The following TBCA variants were observed in gnomAD, a reference collection of about 807,000 sequenced individuals.
TBCA encodes the protein tubulin-specific chaperone A.
A neutral mutation model predicts 15.8 loss-of-function variants in TBCA; 6 were observed. That is an observed-to-expected ratio of 0.38 (90% CI 0.21 to 0.75). TBCA has a LOEUF of 0.75. Among genes scored for constraint, TBCA ranks in the 30% least tolerant of loss-of-function variants. The pLI, the probability that TBCA is intolerant of heterozygous loss-of-function variation, is 0.46. For synonymous variants in TBCA, 32 were observed against 42.3 expected (o/e 0.76, Z 0.94); for missense variants, 90 against 131.2 (o/e 0.69, Z 1.53).
intron 1 of TBCA, among the ~76,000 whole-genome samples, chr5:77,708,771 A>G (rs1746207681): frequency 6.6e-6 from 1 of 151,916 alleles, no homozygotes; most frequent in Non-Finnish European, 1.5e-5. Flanking sequence ...GGGTTTCACC[A>G]TGTTAGCCAG....
At chr5:77,772,165 C>A (rs1747930035) in intron 1 of TBCA, among the ~76,000 whole-genome samples, 1 of 150,694 alleles carries the variant, frequency 6.6e-6, no homozygotes. Context: ...ATCTTTGAAA[C>A]TAAATTTGGA....
intron 1 of TBCA, among the ~76,000 whole-genome samples, chr5:77,714,569 A>AT (rs1397824632): frequency 8.4e-6 from 1 of 119,402 alleles, no homozygotes; most frequent in African/African-American, 3.2e-5. Context: ...TACTATTATT[A>AT]TTATTATTTT....
chr5:77,741,492 A>G (rs1319484080), intron 1 of TBCA, among the ~76,000 whole-genome samples: 4 of 152,208 alleles, frequency 2.6e-5, no homozygotes, highest in African/African-American at 4.8e-5. Context: ...CGTGGGGCAC[A>G]TACAAAGAGC....
chr5:77,728,138 T>C (rs1011315539), intron 1 of TBCA, among the ~76,000 whole-genome samples: 3 of 152,114 alleles, frequency 2.0e-5, no homozygotes, highest in Non-Finnish European at 1.5e-5. Flanking sequence ...ATAAAGAGAT[T>C]ATAAATATTT....
At chr5:77,738,467 T>A (rs1350879995) in intron 1 of TBCA, among the ~76,000 whole-genome samples, 1 of 152,246 alleles carries the variant, frequency 6.6e-6, no homozygotes, top group African/African-American at 2.4e-5. Flanking sequence ...TAGTTCCTGT[T>A]CCAGCGCTGC....
At chr5:77,731,243 T>C (rs372004090) in intron 1 of TBCA, among the ~76,000 whole-genome samples, 149 of 152,328 alleles carry the variant, frequency 9.8e-4, no homozygotes, top group African/African-American at 3.3e-3. Context: ...ACTAATAATA[T>C]TACCATGTGC....
intron 1 of TBCA, among the ~76,000 whole-genome samples, chr5:77,719,365 T>C (rs1014879330): frequency 6.6e-6 from 1 of 152,176 alleles, no homozygotes; most frequent in Non-Finnish European, 1.5e-5. Flanking sequence ...CATGGTTCAA[T>C]ATCTGAATAG....
At chr5:77,706,952 A>G (rs1281856217) in intron 2 of TBCA, among the ~76,000 whole-genome samples, 1 of 152,132 alleles carries the variant, frequency 6.6e-6, no homozygotes, top group Non-Finnish European at 1.5e-5. Flanking sequence ...GGATGAGTGG[A>G]GGTACCATTC....
At chr5:77,758,600 C>T (rs1290724892) in intron 1 of TBCA, among the ~76,000 whole-genome samples, 2 of 152,198 alleles carry the variant, frequency 1.3e-5, no homozygotes, top group African/African-American at 2.4e-5. Context: ...GTTTTGTCCA[C>T]GGCTCGTCCT....
chr5:77,769,461 C>T (rs1243498758), intron 1 of TBCA, among the ~76,000 whole-genome samples: 2 of 152,126 alleles, frequency 1.3e-5, no homozygotes, highest in African/African-American at 4.8e-5. Flanking sequence ...GGAGACTTTA[C>T]GTCTACTTAA....
At chr5:77,718,602 AT>A (rs1746459116) in intron 1 of TBCA, among the ~76,000 whole-genome samples, 1 of 152,162 alleles carries the variant, frequency 6.6e-6, no homozygotes, top group African/African-American at 2.4e-5. Context: ...AGTTTTAGTC[AT>A]TTTCCACCAA....
At chr5:77,706,810 T>TAAAAAAAAAAAAAAA (rs370852221) in intron 2 of TBCA, among the ~76,000 whole-genome samples, 1 of 108,430 alleles carries the variant, frequency 9.2e-6, no homozygotes. Context: ...GACTCCATCT[T>TAAAAAAAAAAAAAAA]AAAAAAAAAA....
intron 1 of TBCA, among the ~76,000 whole-genome samples, chr5:77,719,678 C>T (rs948403140): frequency 6.6e-6 from 1 of 152,072 alleles, no homozygotes. Context: ...AACATAAAAT[C>T]AGTATCACTT....
intron 1 of TBCA, among the ~76,000 whole-genome samples, chr5:77,723,821 G>C (rs1277673737): frequency 6.6e-6 from 1 of 152,018 alleles, no homozygotes; most frequent in Non-Finnish European, 1.5e-5. Flanking sequence ...TCAGAAACTA[G>C]AGAATATGAT....
intron 1 of TBCA, among the ~76,000 whole-genome samples, chr5:77,751,165 T>C (rs1158007406): frequency 1.7e-4 from 20 of 119,392 alleles, no homozygotes; most frequent in African/African-American, 3.1e-4. Context: ...CTTTCTTTTT[T>C]TTTTTTTTTT....
chr5:77,755,726 C>T (rs1002522014), intron 1 of TBCA, among the ~76,000 whole-genome samples: 4 of 151,992 alleles, frequency 2.6e-5, no homozygotes, highest in Admixed American at 6.6e-5. Context: ...AAATAGGGGC[C>T]GGGTGCAGGG....
intron 1 of TBCA, among the ~76,000 whole-genome samples, chr5:77,713,835 A>T (rs1421243505): frequency 6.6e-6 from 1 of 152,180 alleles, no homozygotes; most frequent in East Asian, 1.9e-4. Context: ...GGAAAATAAG[A>T]TAAATCTGAT....
intron 3 of TBCA, chr5:77,693,040 A>C: frequency 7.0e-7 from 1 of 1,427,410 alleles, no homozygotes; most frequent in Non-Finnish European, 9.1e-7. Context: ...AACTAGCTAA[A>C]TTTTAATAAA....
intron 1 of TBCA, among the ~76,000 whole-genome samples, chr5:77,717,982 T>A (rs773277400): frequency 2.0e-5 from 3 of 150,772 alleles, no homozygotes; most frequent in Non-Finnish European, 4.4e-5. Context: ...AATACAAAAT[T>A]AGCCAGGCGA....
Sources: gnomAD v4.1 joint callset for allele counts (sites outside exome capture counted in the v4.1 genomes callset) on GRCh38, gnomAD v4.1.1 for gene constraint, MANE v1.5 for transcripts, NCBI Gene and HGNC (gene_info 2026-07-23, HGNC 2026-07-21) for gene names.